TEX36: variants seen among roughly 807,000 people sequenced by gnomAD.
TEX36 encodes the protein testis-expressed protein 36.
Under a neutral mutation model 13.6 loss-of-function variants are expected in TEX36, and 12 were observed. That is an observed-to-expected ratio of 0.88 (90% confidence interval 0.56 to 1.43). The LOEUF (loss-of-function observed/expected upper bound fraction) is 1.43, where lower values mean the gene tolerates loss of function less well. Among genes scored for constraint, TEX36 ranks in the 40% most tolerant of loss-of-function variants. TEX36 has a pLI of 0.00. For missense variants in TEX36, 224 were observed against 228.3 expected, an observed-to-expected ratio of 0.98 and a Z score of 0.12; for synonymous variants, 93 against 83.0, an observed-to-expected ratio of 1.12 and a Z score of -0.65.
At chr10:125,679,292 C>T (rs1486727312) in intron 1 of TEX36, among the ~76,000 whole-genome samples, 1 of 152,156 alleles carries the variant, frequency 6.6e-6, no homozygotes, top group African/African-American at 2.4e-5. Flanking sequence ...TGTGGAAGTG[C>T]TCTCAGCTCA....
Position 125,626,845 on chromosome 10 carries a change from C to T in TEX36, c.265-5200G>A, listed in dbSNP as rs1433018049. Among the ~76,000 whole-genome samples the T allele has an allele frequency of 5.9e-5, 9 of 152,290 alleles. No homozygotes were observed. The South Asian group carries it at 1.0e-3, about 18-fold the overall frequency. On this transcript the variant is annotated intron_variant, in intron 3 of 3. Transcript: ENST00000526819. ...CTCAGAGGTTTCTATTGGTCTAACC[C>T]GGGATGGCAGGAAGTCAGAGACGTC...
At chr10:125,593,176 G>A (rs1464149773) in intron 3 of TEX36, among the ~76,000 whole-genome samples, 1 of 152,216 alleles carries the variant, frequency 6.6e-6, no homozygotes. Context: ...CCATCCTGGG[G>A]CTGCCCAAGG....
chr10:125,589,447 C>G (rs1016934063), intron 3 of TEX36, among the ~76,000 whole-genome samples: 40 of 152,110 alleles, frequency 2.6e-4, no homozygotes, highest in Non-Finnish European at 4.1e-4. Flanking sequence ...GGGGAAGGCT[C>G]CTAGCATTTC....
intron 1 of TEX36, among the ~76,000 whole-genome samples, chr10:125,673,010 CTATG>C (rs1847257648): frequency 6.6e-6 from 1 of 152,144 alleles, no homozygotes; most frequent in African/African-American, 2.4e-5. Context: ...TATTTTGAGG[CTATG>C]TGTGTCTTTG....
downstream of TEX36, among the ~76,000 whole-genome samples, chr10:125,617,011 G>A (rs961914852): frequency 2.6e-5 from 4 of 152,206 alleles, no homozygotes; most frequent in African/African-American, 9.7e-5. Context: ...AGCTCTTCTT[G>A]TTGAATTGAT....
downstream of TEX36, among the ~76,000 whole-genome samples, chr10:125,618,365 G>C (rs1226772956): frequency 6.6e-6 from 1 of 152,174 alleles, no homozygotes; most frequent in Non-Finnish European, 1.5e-5. Context: ...GAGGCGCTCT[G>C]CTTTTTAGAG....
At chr10:125,637,828 A>G (rs1043456487) in intron 3 of TEX36, among the ~76,000 whole-genome samples, 1 of 151,706 alleles carries the variant, frequency 6.6e-6, no homozygotes, top group Non-Finnish European at 1.5e-5. Flanking sequence ...AACGATTTCC[A>G]CTTCGCATTC....
chr10:125,598,505 C>G (rs942651435), intron 3 of TEX36, among the ~76,000 whole-genome samples: 3 of 152,178 alleles, frequency 2.0e-5, no homozygotes, highest in Non-Finnish European at 4.4e-5. Context: ...CCTTTAGGAC[C>G]TTGACAAGGC....
At chr10:125,680,469 A>T (rs1262862108) in intron 1 of TEX36, among the ~76,000 whole-genome samples, 1 of 152,242 alleles carries the variant, frequency 6.6e-6, no homozygotes, top group East Asian at 1.9e-4. Context: ...CGTGAAATAC[A>T]GCTTTTTAAC....
chr10:125,661,122 G>A, intron 2 of TEX36, 21 bp from the exon 3 acceptor site: 1 of 1,541,318 alleles, frequency 6.5e-7, no homozygotes, highest in Non-Finnish European at 8.8e-7. Flanking sequence ...GGGATGGAAG[G>A]GAAAGAGCAC....
At chr10:125,623,632 C>G (rs945950725) in intron 3 of TEX36, among the ~76,000 whole-genome samples, 1 of 150,552 alleles carries the variant, frequency 6.6e-6, no homozygotes, top group Non-Finnish European at 1.5e-5. Flanking sequence ...AAACCCTGCA[C>G]AGCCCCAAGA....
chr10:125,672,273 A>G (rs1311337814), intron 1 of TEX36, among the ~76,000 whole-genome samples: 1 of 152,166 alleles, frequency 6.6e-6, no homozygotes, highest in South Asian at 2.1e-4. Context: ...ATTTGGTGCT[A>G]TAAGTTTCCT....
chr10:125,635,260 T>A (rs894255274), intron 3 of TEX36, among the ~76,000 whole-genome samples: 48 of 152,156 alleles, frequency 3.2e-4, no homozygotes, highest in Admixed American at 4.6e-4. Flanking sequence ...GCCATTGGAA[T>A]CTTCTAGGTA....
intron 3 of TEX36, among the ~76,000 whole-genome samples, chr10:125,631,972 G>T (rs1485546432): frequency 6.6e-6 from 1 of 152,124 alleles, no homozygotes; most frequent in Non-Finnish European, 1.5e-5. Context: ...CCGTGTGGTG[G>T]CGTGTGGAGG....
chr10:125,640,875 A>G (rs534185041), intron 3 of TEX36, among the ~76,000 whole-genome samples: 4 of 152,266 alleles, frequency 2.6e-5, no homozygotes, highest in South Asian at 2.1e-4. Flanking sequence ...GGGTGTTACC[A>G]TAACAGCATG....
chr10:125,622,569 G>A (rs369117651), intron 3 of TEX36, among the ~76,000 whole-genome samples: 9 of 152,164 alleles, frequency 5.9e-5, no homozygotes, highest in African/African-American at 1.7e-4. Context: ...GAAAGTCTGG[G>A]TCATTTGTTC....
At chr10:125,664,645 A>G (rs1187225581) in intron 1 of TEX36, among the ~76,000 whole-genome samples, 1 of 152,090 alleles carries the variant, frequency 6.6e-6, no homozygotes, top group African/African-American at 2.4e-5. Flanking sequence ...TCCTGCTGCC[A>G]TGTAAGATAT....
At chr10:125,660,098 A>G (rs552399539) in intron 3 of TEX36, among the ~76,000 whole-genome samples, 1 of 152,148 alleles carries the variant, frequency 6.6e-6, no homozygotes, top group Non-Finnish European at 1.5e-5. Context: ...TTGAATGGGC[A>G]ATTTGGAGAA....
rs140975190 is a variant in TEX36 at position 125,679,284 on chromosome 10, T to C, written c.51+3655A>G. ...CTCAGTTGCTTCTTAGCCTCAACTG[T>C]GGAAGTGCTCTCAGCTCACTCCTCA... is the stretch of plus-strand genomic sequence containing the variant. On this transcript the variant is annotated intron_variant, in intron 1 of 3. Coordinates refer to ENST00000368821, the MANE Select transcript of TEX36 (RefSeq NM_001128202.3). 3.8e-3 allele frequency among the ~76,000 whole-genome samples: 573 copies of C among 152,184 alleles called. 5 individuals carry two copies. Among genetic ancestry groups the C allele is most frequent in the African/African-American group, 0.012 (516 of 41,502 alleles).
Sources: gnomAD v4.1 joint callset for allele counts (sites outside exome capture counted in the v4.1 genomes callset) on GRCh38, gnomAD v4.1.1 for gene constraint, MANE v1.5 for transcripts, NCBI Gene and HGNC (gene_info 2026-07-23, HGNC 2026-07-21) for gene names.